AKAP1: variants seen among roughly 807,000 people sequenced by gnomAD.
The protein encoded by AKAP1 is A-kinase anchor protein 1, mitochondrial.
A neutral mutation model predicts 79.8 loss-of-function variants in AKAP1; 32 were observed. That is an observed-to-expected ratio of 0.40 (90% CI 0.30 to 0.54). The LOEUF is 0.54. Ranked by LOEUF, AKAP1 falls within the 20% of genes least tolerant of loss-of-function variation. The probability of loss-of-function intolerance (pLI) is 0.47; values close to 1 mark genes in which losing one functional copy is unlikely to be tolerated. For synonymous variants in AKAP1, 416 were observed against 466.7 expected (o/e 0.89, Z 1.40); for missense variants, 961 against 1,138.9 (o/e 0.84, Z 2.25).
intron 1 of AKAP1, among the ~76,000 whole-genome samples, chr17:57,087,313 G>T (rs1458137657): frequency 1.3e-5 from 2 of 152,218 alleles, no homozygotes; most frequent in Non-Finnish European, 2.9e-5. Context: ...CCATCTCCCA[G>T]TTGTTTCTAG....
At chr17:57,092,871 C>G (rs1213850947) in intron 1 of AKAP1, 1 of 152,288 alleles carries the variant, frequency 6.6e-6, no homozygotes, top group Non-Finnish European at 1.5e-5. Flanking sequence ...TTCACCTCCC[C>G]TCTTGCTACC....
At chr17:57,113,646 A>C (rs933273903) in intron 5 of AKAP1, among the ~76,000 whole-genome samples, 5 of 117,118 alleles carry the variant, frequency 4.3e-5, no homozygotes, top group Non-Finnish European at 8.0e-5. Flanking sequence ...TCTGTTGCCC[A>C]GTCTGGAGTG....
In AKAP1 at chr17:57,116,264, G is replaced by C. The variant is rs111826623; in HGVS notation, c.2432+3G>C. On this transcript the variant is annotated splice_donor_region_variant and intron_variant, in intron 7 of 10. Transcript: ENST00000337714. The stretch of plus-strand genomic sequence containing the variant: ...GTAGACGTGCTCCGGCAAATCAGGT[G>C]AGCGGAGATGCCTCAGGCAGGCCTA... 2.5e-6 allele frequency: 4 copies of C among 1,614,092 alleles called. No individual in the cohort carries two copies. In the East Asian group the frequency reaches 8.9e-5, roughly 36 times the overall value.
rs186126791 is a variant in AKAP1, at chr17:57,111,903, G to A, written c.1954G>A (p.Val652Ile). 359 of 1,613,908 alleles carry A rather than the reference G, an allele frequency of 2.2e-4. No individual in the cohort carries two copies. In the Admixed American group the frequency reaches 2.7e-3, roughly 12 times the overall value. The change falls in exon 4 of 11, where the codon GTC becomes ATC. Residue 652 changes from valine to isoleucine, a missense_variant. By Grantham distance (29) the Val-to-Ile change is conservative (BLOSUM62 3). Coordinates refer to ENST00000337714, the MANE Select transcript of AKAP1 (RefSeq NM_003488.4). ...TTCAACCCTGCCTTACACCCAGAGC[G>A]TCCAGATCTGCCACATAGAAGGTCA... The part of the protein sequence containing the change: ...YISTLPYTQS[V>I]QICHIEGSQH...
Position 57,116,891 on chromosome 17 carries a change from G to A in AKAP1, c.2464G>A (p.Ala822Thr), listed in dbSNP as rs149147838. The A allele has an allele frequency of 6.2e-4, 994 of 1,614,078 alleles. 1 individual carries two copies. The highest frequency in any genetic ancestry group is 8.1e-4 in the Non-Finnish European group (959 of 1,180,030). The change falls in exon 8 of 11, where the codon GCA (alanine) becomes ACA (threonine). Residue 822 changes from alanine to threonine, a missense_variant. Physicochemically the swap from Ala to Thr is moderately conservative, Grantham distance 58. This residue lies in a region of AKAP1 where 629 missense variants were observed against 781.1 expected (regional missense o/e 0.81). Coordinates refer to ENST00000337714, the MANE Select transcript of AKAP1 (RefSeq NM_003488.4). ...CTTTGTCACCCTGCCGTTTCAGGGA[G>A]CAGAAGTCCTTCTGGACAGTGTGAT... ...SDFVTLPFQG[A>T]EVLLDSVMPL...
intron 3 of AKAP1, among the ~76,000 whole-genome samples, chr17:57,110,859 A>C (rs550247149): frequency 6.6e-6 from 1 of 152,138 alleles, no homozygotes; most frequent in Non-Finnish European, 1.5e-5. Context: ...GCTTCTTGCT[A>C]TTAGAACTTA....
chr17:57,090,120 G>A (rs79738069), intron 1 of AKAP1, among the ~76,000 whole-genome samples: 116 of 152,266 alleles, frequency 7.6e-4, no homozygotes, highest in East Asian at 1.4e-3. Context: ...GGGCCACAGC[G>A]TGGATGCTAA....
At position 57,120,269 on chromosome 17, in the gene AKAP1, C is replaced by T. The variant is rs138368517; in HGVS notation, c.2657C>T (p.Ser886Phe). 84 of 1,613,500 alleles carry T rather than the reference C, an allele frequency of 5.2e-5. No individual in the cohort carries two copies. The African/African-American group carries it at 9.8e-4, about 19-fold the overall frequency. Reference protein sequence around the residue: ...VGDEVVLINRSLVERGLAQWV... With the variant: ...VGDEVVLINRFLVERGLAQWV... ...TTCTAGGTGGTGTTGATAAACCGGT[C>T]CCTGGTGGAGCGAGGCCTTGCCCAG... Residue 886 changes from serine (S) to phenylalanine (F), a missense_variant, in exon 11 of 11, where the codon TCC (serine) becomes TTC (phenylalanine). Physicochemically the swap from Ser to Phe is radical, Grantham distance 155 (BLOSUM62 -2). Around this residue, in one of 3 missense-constraint regions of AKAP1, gnomAD observed 629 missense variants for 781.1 expected, o/e 0.81. Coordinates refer to ENST00000337714, the MANE Select transcript of AKAP1 (RefSeq NM_003488.4).
rs1205488242 is a variant in AKAP1 at position 57,110,025 on chromosome 17, G to C, written c.1715G>C (p.Gly572Ala). ...GTGCCTGCTGCTTCTTCCCCTGCAG[G>C]TTCTGACAGGAACAGCATGGATTCC... Reference protein sequence around the residue: ...TMDAEADHSGGSDRNSMDSVD... With the variant: ...TMDAEADHSGASDRNSMDSVD... Residue 572 changes from glycine (G) to alanine (A), a missense_variant and splice_region_variant, in exon 3 of 11, where the codon GGT becomes GCT. Gly to Ala is a moderately conservative substitution (Grantham distance 60). This residue lies in a region of AKAP1 where 629 missense variants were observed against 781.1 expected (regional missense o/e 0.81). Transcript: ENST00000337714. The C allele has an allele frequency of 6.2e-7, 1 of 1,613,820 alleles. No individual in the cohort carries two copies. The highest frequency in any genetic ancestry group is 8.5e-7 in the Non-Finnish European group (1 of 1,179,866).
chr17:57,099,139 C>T (rs1219442275), intron 1 of AKAP1, among the ~76,000 whole-genome samples: 1 of 151,384 alleles, frequency 6.6e-6, no homozygotes, highest in Non-Finnish European at 1.5e-5. Context: ...GCAATGGGTG[C>T]CCTTAGTGAG....
intron 3 of AKAP1, 25 bp from the exon 4 acceptor site, chr17:57,111,773 T>C: frequency 6.2e-7 from 1 of 1,613,494 alleles, no homozygotes; most frequent in Non-Finnish European, 8.5e-7. Flanking sequence ...TTTAACCCTC[T>C]CATCTCTTTT....
intron 1 of AKAP1, among the ~76,000 whole-genome samples, chr17:57,098,804 C>T (rs1247800972): frequency 1.3e-5 from 2 of 150,010 alleles, no homozygotes; most frequent in Non-Finnish European, 3.0e-5. Context: ...CTCTGTTGCC[C>T]AGGCTGGACT....
Position 57,106,343 on chromosome 17 carries a change from C to A in AKAP1, c.879C>A (p.Ala293=). 6.2e-7 allele frequency: 1 copy of A among 1,614,052 alleles called. No individual in the cohort carries two copies. Among genetic ancestry groups the A allele is most frequent in the Non-Finnish European group, 8.5e-7 (1 of 1,179,998 alleles). The change falls in exon 2 of 11, where the codon GCC becomes GCA. Residue 293 remains alanine (A), a synonymous_variant. Transcript: ENST00000337714. ...CGCCAGCACCCCCAGTCGCAGACGC[C>A]AAAGCCCAGGATAGAGGTGTCGAGG... is the stretch of plus-strand genomic sequence containing the variant. ...DAAPAPPVAD[A]KAQDRGVEGE... is the part of the protein sequence containing the mutation.
In AKAP1 at chr17:57,120,393, T is replaced by C. The variant is rs779521039; in HGVS notation, c.*69T>C. On this transcript the variant is annotated 3_prime_UTR_variant, in exon 11 of 11. Coordinates refer to ENST00000337714, the MANE Select transcript of AKAP1 (RefSeq NM_003488.4). ...TTGGGCTTGGCACTCAAGTCAAAGA[T>C]GAACATCGGAATAACAAACATTGTC... The C allele has an allele frequency of 4.1e-5, 56 of 1,370,544 alleles. No individual in the cohort carries two copies. The highest frequency in any genetic ancestry group is 5.6e-5 in the Non-Finnish European group (55 of 974,142). 84.9% of individuals were successfully genotyped at this position (1,370,544 alleles called of 1,614,324 possible).
At chr17:57,112,688 C>T (rs1273137140) in intron 5 of AKAP1, 70 bp downstream of exon 5, 2 of 1,536,124 alleles carry the variant, frequency 1.3e-6, no homozygotes, top group African/African-American at 2.8e-5. Flanking sequence ...CAAGAAACTC[C>T]CCAGACCTCA....
In AKAP1 at chr17:57,105,825, C is replaced by T; in HGVS notation, c.361C>T (p.Pro121Ser). 2 of 1,614,196 alleles carry T rather than the reference C, an allele frequency of 1.2e-6. No individual in the cohort carries two copies. Among genetic ancestry groups the T allele is most frequent in the South Asian group, 1.1e-5 (1 of 91,090 alleles). Residue 121 changes from proline (P) to serine (S), a missense_variant, in exon 2 of 11, where the codon CCA (proline) becomes TCA (serine). By Grantham distance (74) the Pro-to-Ser change is moderately conservative (BLOSUM62 -1). This residue lies in a region of AKAP1 where 224 missense variants were observed against 210.2 expected (regional missense o/e 1.07). Transcript: ENST00000337714. ...LPNTTDMRLR[P>S]GTRRDDSTKL... ...TAACACCACAGACATGAGATTGCGA[C>T]CAGGAACACGCAGAGATGACAGTAC... is the stretch of plus-strand genomic sequence containing the variant.
intron 2 of AKAP1, chr17:57,107,880 G>A (rs75053167): frequency 0.055 from 59,457 of 1,082,736 alleles, 1,918 homozygotes; most frequent in Non-Finnish European, 0.065. Context: ...CTTGTGGGAG[G>A]CTTGAGCTTC....
intron 1 of AKAP1, chr17:57,092,174 CAG>C (rs1463400655): frequency 2.0e-5 from 3 of 152,204 alleles, no homozygotes; most frequent in Non-Finnish European, 4.4e-5. Context: ...TGTGATGACA[CAG>C]AAGCTGAAGA....
At chr17:57,105,118 T>A (rs149501916) in intron 1 of AKAP1, among the ~76,000 whole-genome samples, 1 of 152,302 alleles carries the variant, frequency 6.6e-6, no homozygotes, top group East Asian at 1.9e-4. Context: ...AGCCCCTTTT[T>A]GGGGAACATA....
Sources: gnomAD v4.1 joint callset for allele counts (sites outside exome capture counted in the v4.1 genomes callset) on GRCh38, gnomAD v4.1.1 for gene constraint, gnomAD v4.1.1 regional missense constraint, MANE v1.5 for transcripts, NCBI Gene and HGNC (gene_info 2026-07-23, HGNC 2026-07-21) for gene names.